The following PKNOX2 variants were observed in gnomAD, a reference collection of about 807,000 sequenced individuals.
The protein encoded by PKNOX2 is PBX/knotted 1 homeobox 2.
A neutral mutation model predicts 53.1 loss-of-function variants in PKNOX2; 14 were observed. The ratio of observed to expected loss-of-function variants is 0.26; its 90% CI spans 0.17 to 0.41. The LOEUF is 0.41. Among genes scored for constraint, PKNOX2 ranks in the 10% least tolerant of loss-of-function variants. PKNOX2 has a pLI of 1.00. For synonymous variants in PKNOX2, 257 were observed against 242.8 expected (o/e 1.06, Z -0.54); for missense variants, 496 against 602.8 (o/e 0.82, Z 1.85).
intron 2 of PKNOX2, among the ~76,000 whole-genome samples, chr11:125,301,301 A>T (rs1948047034): frequency 6.6e-6 from 1 of 152,088 alleles, no homozygotes; most frequent in African/African-American, 2.4e-5. Context: ...CCTCCAGCCC[A>T]TATGCCCCGG....
chr11:125,300,240 T>C (rs1266847893), intron 2 of PKNOX2, among the ~76,000 whole-genome samples: 1 of 152,210 alleles, frequency 6.6e-6, no homozygotes, highest in Non-Finnish European at 1.5e-5. Context: ...TTCTACCCTC[T>C]TTATCTCTGT....
intron 5 of PKNOX2, among the ~76,000 whole-genome samples, chr11:125,373,653 G>A (rs1952674932): frequency 1.3e-5 from 2 of 152,352 alleles, no homozygotes; most frequent in South Asian, 4.2e-4. Context: ...GGCGCAGCAA[G>A]AGGCAGGGCT....
chr11:125,304,153 G>T (rs777844881), intron 2 of PKNOX2, among the ~76,000 whole-genome samples: 1 of 152,186 alleles, frequency 6.6e-6, no homozygotes, highest in Non-Finnish European at 1.5e-5. Flanking sequence ...TTGGTGGGGA[G>T]GGGGCTGCTT....
chr11:125,392,545 A>G (rs542176702), intron 6 of PKNOX2, among the ~76,000 whole-genome samples: 1 of 152,362 alleles, frequency 6.6e-6, no homozygotes, highest in African/African-American at 2.4e-5. Flanking sequence ...TATTAGACCA[A>G]AGGATAAGTC....
In PKNOX2 at chr11:125,422,218, A is replaced by G. The variant is rs1025728773; in HGVS notation, c.937-6794A>G. ...ATTCTCACTCTTGAAACCTGGGAAC[A>G]CTGTGGCCCCTTACCCCAGCCACGA... is the stretch of plus-strand genomic sequence containing the variant. On this transcript the variant is annotated intron_variant, in intron 10 of 12. Transcript: ENST00000298282. The surrounding 1 kb of genome is among the most constrained non-coding windows in gnomAD (Gnocchi z 4.1). Among the ~76,000 whole-genome samples the G allele has an allele frequency of 6.6e-6, 1 of 152,140 alleles. No homozygotes were observed. The highest frequency in any genetic ancestry group is 2.4e-5 in the African/African-American group (1 of 41,430).
chr11:125,370,301 A>G lies in PKNOX2; in HGVS notation c.227+2316A>G, dbSNP rs1009747661. On this transcript the variant is annotated intron_variant, in intron 5 of 12. Transcript: ENST00000298282. This position sits in a 1 kb window ranked among gnomAD's most constrained non-coding sequence, Gnocchi z 4.1. Reference sequence around the variant, plus strand: ...TTACTCTGTCCCACCAATGGGAACCATGGGTTCCAAAGCCCTTCTCACAAT... The same window carrying G: ...TTACTCTGTCCCACCAATGGGAACCGTGGGTTCCAAAGCCCTTCTCACAAT... Among the ~76,000 whole-genome samples the G allele has an allele frequency of 6.6e-6, 1 of 152,176 alleles. No homozygotes were observed. The highest frequency in any genetic ancestry group is 1.9e-4 in the East Asian group (1 of 5,184).
chr11:125,222,656 C>CA (rs1463680095), intron 1 of PKNOX2, among the ~76,000 whole-genome samples: 1 of 128,170 alleles, frequency 7.8e-6, no homozygotes, highest in African/African-American at 3.6e-5. Flanking sequence ...TATGTGTGTG[C>CA]TGTGTATGTG....
At chr11:125,301,984 C>T (rs186341769) in intron 2 of PKNOX2, among the ~76,000 whole-genome samples, 7 of 152,296 alleles carry the variant, frequency 4.6e-5, no homozygotes, top group South Asian at 2.1e-4. Context: ...TGTGTGTTAG[C>T]GAGAGCATCG....
chr11:125,367,207 TGTCGGCCTC>T (rs753767269), intron 4 of PKNOX2, among the ~76,000 whole-genome samples: 29 of 152,234 alleles, frequency 1.9e-4, no homozygotes, highest in Admixed American at 3.9e-4. Context: ...GGTACAAAAT[TGTCGGCCTC>T]GGGACACCTT....
chr11:125,312,571 C>G (rs372248340), intron 2 of PKNOX2, among the ~76,000 whole-genome samples: 1 of 152,150 alleles, frequency 6.6e-6, no homozygotes, highest in Non-Finnish European at 1.5e-5. Flanking sequence ...GCCGGGGCAG[C>G]GGGTGCTGTG....
intron 2 of PKNOX2, among the ~76,000 whole-genome samples, chr11:125,284,315 G>T (rs1315987694): frequency 6.6e-6 from 1 of 152,210 alleles, no homozygotes; most frequent in African/African-American, 2.4e-5. Flanking sequence ...CCTTCCCTGA[G>T]AGTATGAGAG....
At chr11:125,302,999 C>A (rs951017857) in intron 2 of PKNOX2, among the ~76,000 whole-genome samples, 1 of 152,148 alleles carries the variant, frequency 6.6e-6, no homozygotes, top group Admixed American at 6.5e-5. Flanking sequence ...GCCCCAGCAG[C>A]CCCAGCCCTC....
At chr11:125,392,181 T>C (rs1954089492) in intron 6 of PKNOX2, among the ~76,000 whole-genome samples, 1 of 152,260 alleles carries the variant, frequency 6.6e-6, no homozygotes, top group Non-Finnish European at 1.5e-5. Flanking sequence ...TTATAAAGCA[T>C]GTTTACATCA....
At chr11:125,393,158 C>CAAA (rs571335360) in intron 6 of PKNOX2, among the ~76,000 whole-genome samples, 1 of 70,244 alleles carries the variant, frequency 1.4e-5, no homozygotes. Context: ...AGACTCGTCT[C>CAAA]AAAAAAAAAA....
intron 10 of PKNOX2, among the ~76,000 whole-genome samples, chr11:125,416,823 C>T (rs563529326): frequency 6.6e-6 from 1 of 152,098 alleles, no homozygotes; most frequent in Non-Finnish European, 1.5e-5. Flanking sequence ...GTCTTCTTTC[C>T]CTGGGGCATA....
At chr11:125,428,872 A>G in intron 10 of PKNOX2, 140 bp from the exon 11 acceptor site, 1 of 777,854 alleles carries the variant, frequency 1.3e-6, no homozygotes, top group South Asian at 1.7e-5. Context: ...TGGGGAGCAA[A>G]CATGACACTT....
intron 1 of PKNOX2, among the ~76,000 whole-genome samples, chr11:125,215,872 A>T (rs1246103711): frequency 6.6e-6 from 1 of 152,202 alleles, no homozygotes; most frequent in Non-Finnish European, 1.5e-5. Flanking sequence ...CTGGATGATT[A>T]TATTTTCTTC....
At chr11:125,380,888 G>C (rs1477548211) in intron 5 of PKNOX2, among the ~76,000 whole-genome samples, 3 of 152,198 alleles carry the variant, frequency 2.0e-5, no homozygotes, top group Non-Finnish European at 2.9e-5. Flanking sequence ...CATGCTTTAG[G>C]GGGTGATGTT....
intron 2 of PKNOX2, among the ~76,000 whole-genome samples, chr11:125,325,049 G>A (rs1325806860): frequency 1.3e-5 from 2 of 152,202 alleles, no homozygotes; most frequent in Admixed American, 6.5e-5. Context: ...ATCCTGCTGG[G>A]CAAGTGAAAG....
Sources: allele counts gnomAD v4.1 joint callset (sites outside exome capture counted in the v4.1 genomes callset), GRCh38; gene constraint gnomAD v4.1.1; non-coding constraint Gnocchi (gnomAD v3.1); transcripts MANE v1.5; gene names NCBI Gene and HGNC (gene_info 2026-07-23, HGNC 2026-07-21).